Variants in REC114 observed in about 807,000 individuals in gnomAD.
REC114 encodes the protein REC114 meiotic recombination protein.
Under a neutral mutation model 31.3 loss-of-function variants are expected in REC114, and 27 were observed. The observed-to-expected ratio is 0.86, with a 90% CI of 0.64 to 1.19. REC114 has a LOEUF of 1.19. Ranked by LOEUF, REC114 falls within the 50% of genes most tolerant of loss-of-function variation. REC114 has a pLI of 0.00. For missense variants in REC114, 344 were observed against 326.9 expected (o/e 1.05, Z -0.40); for synonymous variants, 134 against 127.7 (o/e 1.05, Z -0.33).
intron 2 of REC114, among the ~76,000 whole-genome samples, chr15:73,509,179 G>A (rs961817364): frequency 1.2e-4 from 18 of 152,094 alleles, no homozygotes; most frequent in East Asian, 9.7e-4. Flanking sequence ...TTTGATTTGC[G>A]TTTCTCTGAT....
At chr15:73,534,039 T>A in intron 2 of REC114, among the ~76,000 whole-genome samples, 5 of 118,696 alleles carry the variant, frequency 4.2e-5, no homozygotes, top group Admixed American at 8.6e-5. Flanking sequence ...TTCAAAGCAG[T>A]GTGTAGAGGG....
Position 73,443,265 on chromosome 15 carries a change from C to G in REC114, c.80C>G (p.Ala27Gly). 3 of 1,575,696 alleles carry G rather than the reference C, an allele frequency of 1.9e-6. No homozygotes were observed. Among genetic ancestry groups the G allele is most frequent in the Non-Finnish European group, 2.6e-6 (3 of 1,161,746 alleles). The change falls in exon 1 of 6, where the codon GCC (alanine) becomes GGC (glycine). Residue 27 changes from alanine (A) to glycine (G), a missense_variant. Ala to Gly is a moderately conservative substitution (Grantham distance 60). Transcript: ENST00000331090. ...EAAEWPLQRYARCIPSNTRDP... is the reference protein window; with the variant it reads ...EAAEWPLQRYGRCIPSNTRDP... ...GCAGAGTGGCCTCTGCAGCGGTACG[C>G]CCGCTGCATACCCTCAAACACCAGA... is the stretch of plus-strand genomic sequence containing the variant.
intron 1 of REC114, among the ~76,000 whole-genome samples, chr15:73,445,404 G>A (rs1892751182): frequency 6.6e-6 from 1 of 152,144 alleles, no homozygotes; most frequent in Non-Finnish European, 1.5e-5. Context: ...TCAGCAATAA[G>A]GCTATTCCAC....
At chr15:73,452,704 G>A (rs1362425023) in intron 1 of REC114, among the ~76,000 whole-genome samples, 1 of 152,180 alleles carries the variant, frequency 6.6e-6, no homozygotes, top group Non-Finnish European at 1.5e-5. Flanking sequence ...GAACAAAGCT[G>A]GAGGCATCAG....
intron 3 of REC114, among the ~76,000 whole-genome samples, chr15:73,544,398 G>C (rs952572994): frequency 7.2e-5 from 11 of 152,230 alleles, no homozygotes; most frequent in African/African-American, 2.6e-4. Context: ...ACAAATGGAA[G>C]AAGTAAAATT....
chr15:73,489,135 C>CG (rs1241423060), intron 2 of REC114, among the ~76,000 whole-genome samples: 1 of 151,276 alleles, frequency 6.6e-6, no homozygotes, highest in Non-Finnish European at 1.5e-5. Flanking sequence ...GGAAGGAAAA[C>CG]TAAGTCTTCA....
intron 2 of REC114, among the ~76,000 whole-genome samples, chr15:73,536,196 A>C (rs183393314): frequency 6.6e-6 from 1 of 152,300 alleles, no homozygotes; most frequent in East Asian, 1.9e-4. Context: ...TAAACTAAAG[A>C]GTTCTCCACT....
intron 3 of REC114, among the ~76,000 whole-genome samples, chr15:73,549,547 T>C (rs1415347522): frequency 6.6e-6 from 1 of 152,186 alleles, no homozygotes; most frequent in Non-Finnish European, 1.5e-5. Context: ...ATGATGTGAT[T>C]ATTACTCATT....
At chr15:73,520,368 T>C (rs1247641720) in intron 2 of REC114, among the ~76,000 whole-genome samples, 1 of 152,148 alleles carries the variant, frequency 6.6e-6, no homozygotes, top group Non-Finnish European at 1.5e-5. Context: ...GTAGCTGGGA[T>C]TACAGGCGTG....
At chr15:73,443,389 C>T in intron 1 of REC114, 45 bp downstream of exon 1, 1 of 1,525,540 alleles carries the variant, frequency 6.6e-7, no homozygotes, top group Non-Finnish European at 8.8e-7. Context: ...CCACAGCCCT[C>T]AGGAGGGGAG....
chr15:73,447,924 G>A (rs901388064), intron 1 of REC114, among the ~76,000 whole-genome samples: 5 of 152,106 alleles, frequency 3.3e-5, no homozygotes, highest in African/African-American at 7.2e-5. Flanking sequence ...AAGGGAAGCC[G>A]TGAGAGACTG....
At chr15:73,476,741 T>C (rs1893220375) in intron 2 of REC114, among the ~76,000 whole-genome samples, 1 of 152,198 alleles carries the variant, frequency 6.6e-6, no homozygotes, top group African/African-American at 2.4e-5. Flanking sequence ...TGAAGAATAT[T>C]CCATTGCATA....
chr15:73,531,573 T>C lies in REC114; in HGVS notation c.250-8912T>C, dbSNP rs941440657. 5.4e-4 allele frequency among the ~76,000 whole-genome samples: 82 copies of C among 152,224 alleles called. 1 individual carries two copies. The highest frequency in any genetic ancestry group is 1.8e-3 in the African/African-American group (74 of 41,520). ...TCAGGCTGTGCCAGAACTGGGCAAA[T>C]TAAGGGATGGGTCAAAGTGTGTTAG... On this transcript the variant is annotated intron_variant, in intron 2 of 5. Coordinates refer to ENST00000331090, the MANE Select transcript of REC114 (RefSeq NM_001042367.2).
At chr15:73,488,838 C>G (rs1893408053) in intron 2 of REC114, among the ~76,000 whole-genome samples, 1 of 152,138 alleles carries the variant, frequency 6.6e-6, no homozygotes, top group African/African-American at 2.4e-5. Context: ...TTCCAGCATT[C>G]ACTTCAAAAC....
intron 2 of REC114, among the ~76,000 whole-genome samples, chr15:73,527,668 T>C (rs763942247): frequency 1.3e-5 from 2 of 152,206 alleles, no homozygotes; most frequent in Non-Finnish European, 2.9e-5. Context: ...GACCCTCTTA[T>C]TCCCTGTTGG....
chr15:73,559,638 T>C, intron 5 of REC114, 114 bp from the exon 6 acceptor site: 1 of 904,486 alleles, frequency 1.1e-6, no homozygotes, highest in Non-Finnish European at 1.6e-6. Context: ...TTAACACTAA[T>C]TTTTTTGGTG....
intron 1 of REC114, among the ~76,000 whole-genome samples, chr15:73,463,944 T>C (rs2151255260): frequency 6.6e-6 from 1 of 152,352 alleles, no homozygotes; most frequent in East Asian, 1.9e-4. Context: ...TAGTTATTGA[T>C]TTTTTAAAAC....
chr15:73,474,262 A>G (rs1325951873), intron 2 of REC114, among the ~76,000 whole-genome samples: 1 of 152,206 alleles, frequency 6.6e-6, no homozygotes, highest in African/African-American at 2.4e-5. Context: ...CAGCATATGC[A>G]GAGGGATAGA....
At chr15:73,539,270 A>G (rs1476255162) in intron 2 of REC114, among the ~76,000 whole-genome samples, 1 of 142,372 alleles carries the variant, frequency 7.0e-6, no homozygotes, top group African/African-American at 2.6e-5. Flanking sequence ...TAGAGGTAGC[A>G]TTTCAGAACT....
Sources: gnomAD v4.1 joint callset for allele counts (sites outside exome capture counted in the v4.1 genomes callset) on GRCh38, gnomAD v4.1.1 for gene constraint, MANE v1.5 for transcripts, NCBI Gene and HGNC (gene_info 2026-07-23, HGNC 2026-07-21) for gene names.